The following KIAA1328 variants were observed in gnomAD, a reference collection of about 807,000 sequenced individuals.
KIAA1328 encodes the protein protein hinderin.
In KIAA1328, 52 loss-of-function variants were observed where a neutral mutation model predicts 68.1. That is an observed-to-expected ratio of 0.76 (90% confidence interval 0.61 to 0.96). KIAA1328 has a LOEUF of 0.96. KIAA1328 is among the 40% of genes least tolerant of loss of function. KIAA1328 has a pLI of 0.00. For synonymous variants in KIAA1328, 232 were observed against 239.4 expected (o/e 0.97, Z 0.28); for missense variants, 641 against 677.6 (o/e 0.95, Z 0.60).
At chr18:36,885,863 C>T (rs1449200845) in intron 5 of KIAA1328, 191 bp downstream of exon 5, 5 of 517,110 alleles carry the variant, frequency 9.7e-6, no homozygotes, top group South Asian at 3.0e-5. Context: ...ATTACAGGCA[C>T]CCACCACCAG....
At chr18:37,093,569 G>A (rs1031036653) in intron 7 of KIAA1328, among the ~76,000 whole-genome samples, 5 of 152,092 alleles carry the variant, frequency 3.3e-5, no homozygotes, top group Non-Finnish European at 1.5e-5. Context: ...TTCTGAACTT[G>A]AAAACTGTCA....
chr18:37,012,713 A>T (rs1216116113), intron 6 of KIAA1328, among the ~76,000 whole-genome samples: 1 of 152,186 alleles, frequency 6.6e-6, no homozygotes, highest in Non-Finnish European at 1.5e-5. Flanking sequence ...CTAGAGACTA[A>T]TTGCACTCTG....
At chr18:37,100,657 G>T (rs2057582526) in intron 7 of KIAA1328, among the ~76,000 whole-genome samples, 1 of 152,222 alleles carries the variant, frequency 6.6e-6, no homozygotes, top group Non-Finnish European at 1.5e-5. Flanking sequence ...CTGTCTGACA[G>T]CTTTGAAGAG....
rs1020036114 is a variant in KIAA1328 at position 37,076,711 on chromosome 18, C to T, written c.1232+9166C>T. Among the ~76,000 whole-genome samples, 31 of 149,216 alleles carry T rather than the reference C, an allele frequency of 2.1e-4. 1 individual carries two copies. Among genetic ancestry groups the T allele is most frequent in the East Asian group, 3.9e-4 (2 of 5,176 alleles). ...TCAGAGACTACTACAAACACCTCTA[C>T]GCAAATAAACTAGAAAATCTAGAAG... On this transcript the variant is annotated intron_variant, in intron 7 of 9. Coordinates refer to ENST00000280020, the MANE Select transcript of KIAA1328 (RefSeq NM_020776.3).
At chr18:36,962,141 C>T (rs1256294598) in intron 6 of KIAA1328, among the ~76,000 whole-genome samples, 2 of 152,044 alleles carry the variant, frequency 1.3e-5, no homozygotes, top group African/African-American at 2.4e-5. Flanking sequence ...AAATGGAAAA[C>T]AACAACAACA....
intron 6 of KIAA1328, among the ~76,000 whole-genome samples, chr18:36,972,963 A>G (rs1466732071): frequency 6.6e-6 from 1 of 152,206 alleles, no homozygotes; most frequent in African/African-American, 2.4e-5. Context: ...TGTTGTGTGA[A>G]TATATCAATT....
At chr18:37,115,432 G>T (rs1430842138) in intron 7 of KIAA1328, among the ~76,000 whole-genome samples, 1 of 152,158 alleles carries the variant, frequency 6.6e-6, no homozygotes, top group East Asian at 1.9e-4. Flanking sequence ...TATCTCAATA[G>T]ATGCAGAACA....
At chr18:37,032,601 C>T (rs2054874814) in intron 6 of KIAA1328, among the ~76,000 whole-genome samples, 1 of 151,648 alleles carries the variant, frequency 6.6e-6, no homozygotes, top group Non-Finnish European at 1.5e-5. Context: ...TCATCACTTT[C>T]ATAATATTGT....
intron 9 of KIAA1328, among the ~76,000 whole-genome samples, chr18:37,217,605 T>C (rs889319318): frequency 5.3e-5 from 8 of 152,198 alleles, no homozygotes; most frequent in Non-Finnish European, 8.8e-5. Context: ...TTAACATTTT[T>C]TGCTTCATTT....
chr18:36,899,499 C>G (rs1417927874), intron 5 of KIAA1328, among the ~76,000 whole-genome samples: 4 of 151,748 alleles, frequency 2.6e-5, no homozygotes, highest in African/African-American at 9.7e-5. Flanking sequence ...GATAGTATAT[C>G]TAAATTGCAA....
At position 37,067,434 on chromosome 18, in the gene KIAA1328, A is replaced by T; in HGVS notation, c.1121A>T (p.Lys374Ile). 1 of 1,598,926 alleles carries T rather than the reference A, an allele frequency of 6.3e-7. No individual in the cohort carries two copies. Among genetic ancestry groups the T allele is most frequent in the Non-Finnish European group, 8.5e-7 (1 of 1,172,480 alleles). Residue 374 changes from lysine to isoleucine, a missense_variant, in exon 7 of 10, where the codon AAA (lysine) becomes ATA (isoleucine). Physicochemically the swap from Lys to Ile is moderately radical, Grantham distance 102. Coordinates refer to ENST00000280020, the MANE Select transcript of KIAA1328 (RefSeq NM_020776.3). ...AGAAAGCAGCAACTGATGCTTCAGA[A>T]AATGGAACTGGAAATTGAAAAGGAG... Reference protein sequence around the residue: ...EDRKQQLMLQKMELEIEKERL... With the variant: ...EDRKQQLMLQIMELEIEKERL...
chr18:36,981,765 T>TC (rs1214723635), intron 6 of KIAA1328, among the ~76,000 whole-genome samples: 1 of 151,236 alleles, frequency 6.6e-6, no homozygotes, highest in East Asian at 1.9e-4. Context: ...TGTTTGATTT[T>TC]TTTTTTTTTT....
At chr18:37,105,810 G>A (rs918589006) in intron 7 of KIAA1328, among the ~76,000 whole-genome samples, 4 of 149,712 alleles carry the variant, frequency 2.7e-5, no homozygotes, top group Non-Finnish European at 4.4e-5. Context: ...CCAGTTACTT[G>A]GGAAGCTGAG....
intron 7 of KIAA1328, among the ~76,000 whole-genome samples, chr18:37,101,281 C>T (rs1020041312): frequency 6.6e-6 from 1 of 152,060 alleles, no homozygotes; most frequent in Non-Finnish European, 1.5e-5. Flanking sequence ...AAAAATTAGA[C>T]AAATGGCTAA....
chr18:37,164,773 CT>C (rs1320508395), intron 8 of KIAA1328, among the ~76,000 whole-genome samples: 1 of 151,998 alleles, frequency 6.6e-6, no homozygotes, highest in East Asian at 1.9e-4. Context: ...TAAAAAAGTG[CT>C]GCCTTAGGAG....
chr18:37,139,115 C>G (rs1245837195), intron 7 of KIAA1328, among the ~76,000 whole-genome samples: 3 of 151,900 alleles, frequency 2.0e-5, no homozygotes, highest in Non-Finnish European at 4.4e-5. Flanking sequence ...CGCCACCATG[C>G]CTGGCTAACT....
At chr18:37,008,200 G>A (rs757090365) in intron 6 of KIAA1328, among the ~76,000 whole-genome samples, 7 of 152,210 alleles carry the variant, frequency 4.6e-5, no homozygotes. Context: ...TGAGTATGGG[G>A]GAAGTGTCAG....
intron 6 of KIAA1328, among the ~76,000 whole-genome samples, chr18:36,996,049 G>C (rs1460065736): frequency 6.6e-6 from 1 of 152,156 alleles, no homozygotes; most frequent in East Asian, 1.9e-4. Context: ...AGTAGGTATT[G>C]TTGTCTCCTT....
chr18:37,111,840 A>G (rs951864958), intron 7 of KIAA1328, among the ~76,000 whole-genome samples: 26 of 152,330 alleles, frequency 1.7e-4, no homozygotes, highest in Non-Finnish European at 2.8e-4. Flanking sequence ...GCGCTTTCCC[A>G]ACCGTCTTAG....
Sources: allele counts gnomAD v4.1 joint callset (sites outside exome capture counted in the v4.1 genomes callset), GRCh38; gene constraint gnomAD v4.1.1; transcripts MANE v1.5; gene names NCBI Gene and HGNC (gene_info 2026-07-23, HGNC 2026-07-21).